ANKRD31: variants seen among roughly 807,000 people sequenced by gnomAD.
ANKRD31 encodes the protein ankyrin repeat domain 31.
Under a neutral mutation model 186.0 loss-of-function variants are expected in ANKRD31, and 147 were observed. The ratio of observed to expected loss-of-function variants is 0.79; its 90% CI spans 0.69 to 0.91. ANKRD31 has a LOEUF of 0.91. ANKRD31 is among the 40% of genes least tolerant of loss of function. The probability of loss-of-function intolerance (pLI) is 0.00; values close to 1 mark genes in which losing one functional copy is unlikely to be tolerated. For synonymous variants in ANKRD31, 673 were observed against 736.4 expected (o/e 0.91, Z 1.39); for missense variants, 1,986 against 2,148.8 (o/e 0.92, Z 1.50).
chr5:75,069,286 T>C (rs1443067502), intron 25 of ANKRD31, among the ~76,000 whole-genome samples: 1 of 148,010 alleles, frequency 6.8e-6, no homozygotes, highest in African/African-American at 2.5e-5. Flanking sequence ...TTTTTTTTTT[T>C]CTTCTCTGAG....
rs186946822 is a variant in ANKRD31, at chr5:75,219,402, A to C, written c.288+2847T>G. Among the ~76,000 whole-genome samples, 413 of 152,262 alleles carry C rather than the reference A, an allele frequency of 2.7e-3. 3 individuals carry two copies. Among genetic ancestry groups the C allele is most frequent in the Admixed American group, 3.6e-3 (55 of 15,288 alleles). Reference sequence around the variant, plus strand: ...CCCATTCACAATTGCCAAAACAACAACACCAAAAACAAACAAACAAGCAAC... The same window carrying C: ...CCCATTCACAATTGCCAAAACAACACCACCAAAAACAAACAAACAAGCAAC... On this transcript the variant is annotated intron_variant, in intron 3 of 25. Coordinates refer to ENST00000506364, the MANE Select transcript of ANKRD31 (RefSeq NM_001372053.1).
At chr5:75,216,048 A>G (rs1756939837) in intron 3 of ANKRD31, among the ~76,000 whole-genome samples, 1 of 152,176 alleles carries the variant, frequency 6.6e-6, no homozygotes, top group African/African-American at 2.4e-5. Flanking sequence ...TAGGATATAA[A>G]AGAAAGTTAA....
chr5:75,124,736 G>C (rs1749081747), intron 17 of ANKRD31, among the ~76,000 whole-genome samples: 1 of 151,698 alleles, frequency 6.6e-6, no homozygotes, highest in Admixed American at 6.6e-5. Flanking sequence ...TCAAATACTG[G>C]ATGTTCTCAC....
At chr5:75,105,444 A>G (rs922390) in intron 21 of ANKRD31, among the ~76,000 whole-genome samples, 77,135 of 151,842 alleles carry the variant, frequency 0.51, 22,646 homozygotes, top group African/African-American at 0.82. Flanking sequence ...ATTTAAGTAA[A>G]TGTGCCCTTT....
intron 17 of ANKRD31, among the ~76,000 whole-genome samples, chr5:75,130,484 T>C (rs533895804): frequency 3.3e-5 from 5 of 152,304 alleles, no homozygotes; most frequent in East Asian, 1.9e-4. Context: ...TACAGAGAGC[T>C]GATTGGTCCA....
chr5:75,156,515 C>T, intron 11 of ANKRD31, among the ~76,000 whole-genome samples: 1 of 152,158 alleles, frequency 6.6e-6, no homozygotes, highest in East Asian at 1.9e-4. Flanking sequence ...AAAAGATATC[C>T]ATGTCTTCAT....
intron 19 of ANKRD31, 91 bp from the exon 20 acceptor site, chr5:75,112,691 A>G: frequency 2.6e-6 from 2 of 772,532 alleles, no homozygotes; most frequent in South Asian, 5.3e-5. Flanking sequence ...ATAAAATACT[A>G]AAGAAAGTGT....
intron 2 of ANKRD31, among the ~76,000 whole-genome samples, chr5:75,229,339 C>T (rs1256221708): frequency 6.6e-6 from 1 of 152,020 alleles, no homozygotes; most frequent in Non-Finnish European, 1.5e-5. Context: ...TACAAATAGA[C>T]GGGTTCTAGG....
chr5:75,131,951 G>C (rs1749881201), intron 17 of ANKRD31, among the ~76,000 whole-genome samples: 1 of 152,210 alleles, frequency 6.6e-6, no homozygotes, highest in Admixed American at 6.5e-5. Flanking sequence ...TGAGGGTCCT[G>C]ACTGTTAGAA....
At chr5:75,184,463 T>C (rs4704187) in intron 10 of ANKRD31, among the ~76,000 whole-genome samples, 94,313 of 151,992 alleles carry the variant, frequency 0.62, 31,862 homozygotes, top group African/African-American at 0.9. Flanking sequence ...AGACAACTTA[T>C]AGAATGGGAG....
At chr5:75,170,953 T>G (rs944725906) in intron 10 of ANKRD31, among the ~76,000 whole-genome samples, 1 of 152,052 alleles carries the variant, frequency 6.6e-6, no homozygotes, top group Admixed American at 6.6e-5. Context: ...GTTATGTATC[T>G]AATAACAGAG....
intron 4 of ANKRD31, among the ~76,000 whole-genome samples, chr5:75,207,198 T>C (rs1162595742): frequency 1.3e-5 from 2 of 152,164 alleles, no homozygotes; most frequent in Admixed American, 6.5e-5. Flanking sequence ...TGGAGTCCTA[T>C]GCAAGAGTAA....
intron 25 of ANKRD31, among the ~76,000 whole-genome samples, chr5:75,072,318 G>A (rs1004588436): frequency 9.9e-5 from 15 of 152,022 alleles, no homozygotes; most frequent in Non-Finnish European, 2.2e-4. Flanking sequence ...TGACTTCAGG[G>A]GAGGCTCCTT....
At chr5:75,182,135 C>G (rs190555998) in intron 10 of ANKRD31, among the ~76,000 whole-genome samples, 2 of 151,952 alleles carry the variant, frequency 1.3e-5, no homozygotes, top group African/African-American at 4.8e-5. Context: ...TTAAAACTAC[C>G]TATTTTTAAA....
chr5:75,115,704 A>G (rs1221158494), intron 19 of ANKRD31, among the ~76,000 whole-genome samples: 2 of 152,060 alleles, frequency 1.3e-5, no homozygotes, highest in African/African-American at 4.8e-5. Context: ...CAAAACCACA[A>G]TGAGATACCA....
rs1240110462 is a variant in ANKRD31, at chr5:75,214,142, A to G, written c.289-3277T>C. On this transcript the variant is annotated intron_variant, in intron 3 of 25. Coordinates refer to ENST00000506364, the MANE Select transcript of ANKRD31 (RefSeq NM_001372053.1). ...TTGCCTTTTAGAGCGTTCCCTCTGG[A>G]CATATGGTACCATCTGTGTACTGCT... Among the ~76,000 whole-genome samples, 4 of 152,320 alleles carry G rather than the reference A, an allele frequency of 2.6e-5. No individual in the cohort carries two copies. In the South Asian group the frequency reaches 6.2e-4, roughly 24 times the overall value.
At chr5:75,193,227 T>C in intron 8 of ANKRD31, 84 bp downstream of exon 8, 4 of 1,398,912 alleles carry the variant, frequency 2.9e-6, no homozygotes, top group Non-Finnish European at 3.8e-6. Flanking sequence ...GTTAACTGTA[T>C]ACTGACCCTG....
intron 9 of ANKRD31, among the ~76,000 whole-genome samples, chr5:75,192,009 A>G (rs1755148791): frequency 6.6e-6 from 1 of 152,098 alleles, no homozygotes; most frequent in Admixed American, 6.6e-5. Context: ...TCTTTCTTCT[A>G]AATACGTATG....
chr5:75,234,083 A>G (rs761034940), intron 1 of ANKRD31, among the ~76,000 whole-genome samples: 2 of 152,252 alleles, frequency 1.3e-5, no homozygotes, highest in Non-Finnish European at 2.9e-5. Flanking sequence ...TTATCCCTTT[A>G]TGACAGAAAA....
Sources: allele counts gnomAD v4.1 joint callset (sites outside exome capture counted in the v4.1 genomes callset), GRCh38; gene constraint gnomAD v4.1.1; transcripts MANE v1.5; gene names NCBI Gene and HGNC (gene_info 2026-07-23, HGNC 2026-07-21).